Variants in ELL2 observed in about 807,000 individuals in gnomAD.
The protein encoded by ELL2 is elongation factor for RNA polymerase II 2, also known as RNA polymerase II elongation factor ELL2.
In ELL2, 21 loss-of-function variants were observed where a neutral mutation model predicts 72.8. The ratio of observed to expected loss-of-function variants is 0.29; its 90% CI spans 0.20 to 0.42. The LOEUF is 0.42. Among genes scored for constraint, ELL2 ranks in the 10% least tolerant of loss-of-function variants. The pLI, the probability that ELL2 is intolerant of heterozygous loss-of-function variation, is 1.00. For synonymous variants in ELL2, 266 were observed against 283.2 expected (o/e 0.94, Z 0.61); for missense variants, 568 against 772.8 (o/e 0.73, Z 3.14).
intron 1 of ELL2, 128 bp downstream of exon 1, chr5:95,961,447 T>C: frequency 8.3e-7 from 1 of 1,205,710 alleles, no homozygotes; most frequent in Non-Finnish European, 1.1e-6. Flanking sequence ...CTGCCCTGCC[T>C]GGCCGCTGCG....
rs918871291 is a variant in ELL2, at chr5:95,917,136, C to T, written c.317+2288G>A. Among the ~76,000 whole-genome samples the T allele has an allele frequency of 1.1e-4, 17 of 152,258 alleles. No individual in the cohort carries two copies. The South Asian group carries it at 2.1e-3, about 19-fold the overall frequency. On this transcript the variant is annotated intron_variant, in intron 3 of 11. Coordinates refer to ENST00000237853, the MANE Select transcript of ELL2 (RefSeq NM_012081.6). The stretch of plus-strand genomic sequence containing the variant: ...CTCTAGCCTAGCTCACCATTTCCTT[C>T]GCTTAAGTGTGCATTATTATACACT...
At chr5:95,894,903 AT>A (rs1748810453) in intron 9 of ELL2, among the ~76,000 whole-genome samples, 1 of 151,986 alleles carries the variant, frequency 6.6e-6, no homozygotes, top group African/African-American at 2.4e-5. Context: ...TATTTTGCAC[AT>A]TTGTTCATTT....
chr5:95,950,900 A>G (rs1401235335), intron 1 of ELL2, among the ~76,000 whole-genome samples: 4 of 46,134 alleles, frequency 8.7e-5, no homozygotes, highest in African/African-American at 2.9e-4. Flanking sequence ...GTATGTATGT[A>G]TGTGTATATA....
At chr5:95,901,891 G>C (rs557357677) in intron 5 of ELL2, among the ~76,000 whole-genome samples, 2 of 152,338 alleles carry the variant, frequency 1.3e-5, no homozygotes, top group East Asian at 3.9e-4. Context: ...GGGCGGGACA[G>C]AGCAGGACAA....
intron 1 of ELL2, among the ~76,000 whole-genome samples, chr5:95,952,730 A>G (rs1289204307): frequency 6.6e-6 from 1 of 152,230 alleles, no homozygotes; most frequent in African/African-American, 2.4e-5. Flanking sequence ...GGAAATCAGT[A>G]CTTGGAGCTA....
rs552354652 is a variant in ELL2 at position 95,943,010 on chromosome 5, G to A, written c.187C>T (p.Leu63Phe). The A allele has an allele frequency of 1.3e-6, 2 of 1,595,642 alleles. No homozygotes were observed. Among genetic ancestry groups the A allele is most frequent in the South Asian group, 2.3e-5 (2 of 87,990 alleles). The change falls in exon 2 of 12, where the codon CTC (leucine) becomes TTC (phenylalanine). Residue 63 changes from leucine to phenylalanine, a missense_variant. Leu to Phe is a conservative substitution (Grantham distance 22). Around this residue, in one of 2 missense-constraint regions of ELL2, gnomAD observed 511 missense variants for 728.4 expected, o/e 0.70. Coordinates refer to ENST00000237853, the MANE Select transcript of ELL2 (RefSeq NM_012081.6). The stretch of plus-strand genomic sequence containing the variant: ...TCAATAAGAGTACTCACCCCGTGGA[G>A]TCCTTGGAACTGGATTGAAGGTCGA... ...PFRPSIQFQG[L>F]HGLVKIPKND...
chr5:95,919,035 G>A (rs1017776845), intron 3 of ELL2, among the ~76,000 whole-genome samples: 4 of 151,882 alleles, frequency 2.6e-5, no homozygotes, highest in African/African-American at 9.7e-5. Flanking sequence ...ATGCAAGATG[G>A]ATATTTTTAA....
At chr5:95,912,035 T>C (rs1213736971) in intron 4 of ELL2, among the ~76,000 whole-genome samples, 1 of 152,198 alleles carries the variant, frequency 6.6e-6, no homozygotes, top group African/African-American at 2.4e-5. Flanking sequence ...TAACCTCAAA[T>C]TTCCTGTGGT....
At chr5:95,890,896 T>C in intron 10 of ELL2, 1 of 596,032 alleles carries the variant, frequency 1.7e-6, no homozygotes, top group East Asian at 3.1e-5. Flanking sequence ...TGGCACAAGG[T>C]TTTTTTCCAC....
intron 5 of ELL2, 126 bp downstream of exon 5, chr5:95,906,397 C>T: frequency 2.0e-6 from 2 of 998,322 alleles, no homozygotes; most frequent in Non-Finnish European, 2.8e-6. Context: ...TTTCACATAC[C>T]ACTGATCAAA....
intron 2 of ELL2, among the ~76,000 whole-genome samples, chr5:95,924,195 C>A (rs941912222): frequency 9.2e-5 from 14 of 152,168 alleles, no homozygotes; most frequent in African/African-American, 3.4e-4. Flanking sequence ...GCGTCAGTCC[C>A]CTCTGATATG....
chr5:95,893,171 T>C lies in ELL2; in HGVS notation c.1590-1897A>G, dbSNP rs186546377. Among the ~76,000 whole-genome samples the C allele has an allele frequency of 3.3e-5, 5 of 152,230 alleles. No individual in the cohort carries two copies. The East Asian group carries it at 7.7e-4, about 23-fold the overall frequency. On this transcript the variant is annotated intron_variant, in intron 9 of 11. Coordinates refer to ENST00000237853, the MANE Select transcript of ELL2 (RefSeq NM_012081.6). ...GTGGTCAACAACTGTGTTGCTATTA[T>C]AGAAGAGATTATTTGGTTACACTGG...
chr5:95,930,698 AATG>A (rs1417596984), intron 2 of ELL2, among the ~76,000 whole-genome samples: 3 of 152,222 alleles, frequency 2.0e-5, no homozygotes, highest in Non-Finnish European at 4.4e-5. Flanking sequence ...TTAAGGAAGG[AATG>A]ATGAGAGACT....
chr5:95,940,733 A>G (rs3777176), intron 2 of ELL2, among the ~76,000 whole-genome samples: 4,615 of 152,294 alleles, frequency 0.03, 115 homozygotes, highest in Admixed American at 0.074. Context: ...AGCCCTAAAC[A>G]TATTTCACAT....
chr5:95,911,797 G>C (rs765666133), intron 4 of ELL2, among the ~76,000 whole-genome samples: 15 of 152,202 alleles, frequency 9.9e-5, no homozygotes, highest in Non-Finnish European at 1.8e-4. Context: ...TTGACCTAGA[G>C]AATAAAAGGC....
chr5:95,900,246 GA>G (rs1749086137), intron 7 of ELL2: 1 of 152,458 alleles, frequency 6.6e-6, no homozygotes, highest in South Asian at 2.1e-4. Context: ...CAATTAAAAA[GA>G]AAACATGGAA....
chr5:95,922,278 G>A (rs114974893), intron 2 of ELL2, among the ~76,000 whole-genome samples: 5,839 of 152,218 alleles, frequency 0.038, 380 homozygotes, highest in African/African-American at 0.13. Context: ...TAGCCCAGAC[G>A]GTCTTGATCT....
At chr5:95,948,400 A>G (rs1400959785) in intron 1 of ELL2, among the ~76,000 whole-genome samples, 1 of 140,520 alleles carries the variant, frequency 7.1e-6, no homozygotes, top group Admixed American at 7.4e-5. Flanking sequence ...ACAGCACTCC[A>G]GCCTGGGCAA....
Position 95,898,779 on chromosome 5 carries a change from G to A in ELL2, c.986C>T (p.Pro329Leu), listed in dbSNP as rs987872959. Residue 329 changes from proline to leucine, a missense_variant, in exon 8 of 12, where the codon CCT (proline) becomes CTT (leucine). Physicochemically the swap from Pro to Leu is moderately conservative, Grantham distance 98. Around this residue, in one of 2 missense-constraint regions of ELL2, gnomAD observed 511 missense variants for 728.4 expected, o/e 0.70. Coordinates refer to ENST00000237853, the MANE Select transcript of ELL2 (RefSeq NM_012081.6). ...KRLLDSEFID[P>L]LMNKKARISH... ...TATTCGGGCTTTTTTATTCATTAAAGGATCAATAAACTCTGAATCCAAAAG... is the reference window on the plus strand; with the variant it reads ...TATTCGGGCTTTTTTATTCATTAAAAGATCAATAAACTCTGAATCCAAAAG... 4.6e-6 allele frequency: 7 copies of A among 1,523,130 alleles called. No homozygotes were observed. Among genetic ancestry groups the A allele is most frequent in the African/African-American group, 1.4e-5 (1 of 71,746 alleles). The allele number at this position is 1,523,130 out of a possible 1,614,324, so 94.4% of individuals were successfully genotyped here. A position where few individuals can be genotyped will look rare whatever the true frequency, so the allele number is the denominator to read the frequency against.
Sources: allele counts gnomAD v4.1 joint callset (sites outside exome capture counted in the v4.1 genomes callset), GRCh38; gene constraint gnomAD v4.1.1; regional missense constraint gnomAD v4.1.1; transcripts MANE v1.5; gene names NCBI Gene and HGNC (gene_info 2026-07-23, HGNC 2026-07-21).